Variants in SFMBT2 observed in about 807,000 individuals in gnomAD.
SFMBT2 encodes Scm like with four mbt domains 2, also known as scm-like with four MBT domains protein 2.
Under a neutral mutation model 110.1 loss-of-function variants are expected in SFMBT2, and 38 were observed. That is an observed-to-expected ratio of 0.35 (90% CI 0.27 to 0.45). The LOEUF (loss-of-function observed/expected upper bound fraction) is 0.45, where lower values mean the gene tolerates loss of function less well. Ranked by LOEUF, SFMBT2 falls within the 20% of genes least tolerant of loss-of-function variation. The pLI, the probability that SFMBT2 is intolerant of heterozygous loss-of-function variation, is 1.00. For synonymous variants in SFMBT2, 425 were observed against 425.4 expected (o/e 1.00, Z 0.01); for missense variants, 1,011 against 1,094.9 (o/e 0.92, Z 1.08).
intron 2 of SFMBT2, among the ~76,000 whole-genome samples, chr10:7,381,473 G>A (rs1047556847): frequency 8.5e-5 from 13 of 152,130 alleles, no homozygotes; most frequent in African/African-American, 2.9e-4. Flanking sequence ...CTCCAACCCT[G>A]CTCTTCTCAC....
chr10:7,213,778 C>CGT (rs573113543), intron 11 of SFMBT2, among the ~76,000 whole-genome samples: 15 of 146,928 alleles, frequency 1.0e-4, no homozygotes, highest in African/African-American at 3.5e-4. Flanking sequence ...CACTCAGATC[C>CGT]GTGTGCGAGG....
At chr10:7,174,890 G>C (rs953124236) in intron 17 of SFMBT2, among the ~76,000 whole-genome samples, 2 of 152,246 alleles carry the variant, frequency 1.3e-5, no homozygotes, top group African/African-American at 4.8e-5. Context: ...AGGTCTGTGT[G>C]ATCAGTGAGG....
chr10:7,236,969 G>A (rs911238794), intron 9 of SFMBT2, among the ~76,000 whole-genome samples: 1 of 152,216 alleles, frequency 6.6e-6, no homozygotes, highest in Non-Finnish European at 1.5e-5. Flanking sequence ...AGGGTAGGAT[G>A]CAGTGCTCAA....
chr10:7,310,838 G>C (rs1378384928), intron 4 of SFMBT2, among the ~76,000 whole-genome samples: 1 of 152,114 alleles, frequency 6.6e-6, no homozygotes, highest in Non-Finnish European at 1.5e-5. Context: ...CTGAGGTCAG[G>C]AGTTCGAGAC....
intron 4 of SFMBT2, among the ~76,000 whole-genome samples, chr10:7,330,443 T>C (rs1238071816): frequency 1.3e-5 from 2 of 152,180 alleles, no homozygotes; most frequent in African/African-American, 2.4e-5. Flanking sequence ...AGCATGTGAA[T>C]TGAGTAAACC....
intron 5 of SFMBT2, 75 bp from the exon 6 acceptor site, chr10:7,284,225 G>A: frequency 6.4e-7 from 1 of 1,555,010 alleles, no homozygotes; most frequent in Non-Finnish European, 8.7e-7. Flanking sequence ...GACAGCAGAA[G>A]ATAATATTTT....
At chr10:7,219,432 C>T (rs1454034762) in intron 11 of SFMBT2, among the ~76,000 whole-genome samples, 7 of 152,150 alleles carry the variant, frequency 4.6e-5, no homozygotes, top group African/African-American at 1.7e-4. Flanking sequence ...GACTGTTTTC[C>T]ACATTTCCCA....
At chr10:7,245,621 G>C (rs1406877361) in intron 8 of SFMBT2, among the ~76,000 whole-genome samples, 3 of 152,222 alleles carry the variant, frequency 2.0e-5, no homozygotes, top group African/African-American at 7.2e-5. Flanking sequence ...GCACAGCTAA[G>C]AGATGGCAGA....
rs1380615864 is a variant in SFMBT2, at chr10:7,257,048, C to T, written c.871-8399G>A. Among the ~76,000 whole-genome samples the T allele has an allele frequency of 8.3e-5, 12 of 143,820 alleles. No individual in the cohort carries two copies. In the East Asian group the frequency reaches 1.5e-3, roughly 18 times the overall value. The allele number at this position is 143,820 out of a possible 152,430, so 94.4% of individuals were successfully genotyped here. The stretch of plus-strand genomic sequence containing the variant: ...CAGAAGTTACAGTGAGCAGAGATCA[C>T]GCCACTGCACTCCAGCCTGGGTGAC... On this transcript the variant is annotated intron_variant, in intron 7 of 20. Coordinates refer to ENST00000397167, the MANE Select transcript of SFMBT2 (RefSeq NM_001387889.1).
intron 1 of SFMBT2, among the ~76,000 whole-genome samples, chr10:7,399,312 A>C (rs1031137086): frequency 4.0e-4 from 61 of 152,008 alleles, no homozygotes; most frequent in Admixed American, 3.9e-3. Flanking sequence ...GGTTCACTGC[A>C]ACCTCTGCCT....
intron 4 of SFMBT2, among the ~76,000 whole-genome samples, chr10:7,291,750 G>T (rs936380940): frequency 2.6e-5 from 4 of 152,190 alleles, no homozygotes; most frequent in Non-Finnish European, 1.5e-5. Flanking sequence ...TAGCAACAGG[G>T]GTTCTCCCCA....
In SFMBT2 at chr10:7,188,662, A is replaced by T. The variant is rs1222694091; in HGVS notation, c.1770T>A (p.Asp590Glu). 4 of 1,613,654 alleles carry T rather than the reference A, an allele frequency of 2.5e-6. No homozygotes were observed. The African/African-American group carries it at 5.3e-5, about 22-fold the overall frequency. ...RVLRELQLVE[D>E]PHWNFQEETL... The stretch of plus-strand genomic sequence containing the variant: ...TCTCTTCCTGGAAATTCCAGTGGGG[A>T]TCTTCTACCAGCTGTAATTCTCTTA... The change falls in exon 16 of 21, where the codon GAT becomes GAA. Residue 590 changes from aspartate (D) to glutamate (E), a missense_variant. Coordinates refer to ENST00000397167, the MANE Select transcript of SFMBT2 (RefSeq NM_001387889.1).
At chr10:7,207,478 G>A (rs12770768) in intron 11 of SFMBT2, 54 of 13,934 alleles carry the variant, frequency 3.9e-3, no homozygotes, top group Non-Finnish European at 6.5e-3. Flanking sequence ...AAAGAGAAAG[G>A]AAGGAAGGAA....
At chr10:7,406,907 C>G (rs942049912) in intron 1 of SFMBT2, among the ~76,000 whole-genome samples, 2 of 151,516 alleles carry the variant, frequency 1.3e-5, no homozygotes. Context: ...AGACCCCCGG[C>G]TCGGGGCAGT....
At chr10:7,368,231 G>A (rs1432400911) in intron 3 of SFMBT2, 5 of 586,272 alleles carry the variant, frequency 8.5e-6, no homozygotes, top group African/African-American at 8.1e-5. Flanking sequence ...TCTAAAACCT[G>A]GTGTGTATTC....
rs1837868265 is a variant in SFMBT2 at position 7,171,406 on chromosome 10, A to G, written c.2416-350T>C. On this transcript the variant is annotated intron_variant, in intron 19 of 20. Coordinates refer to ENST00000397167, the MANE Select transcript of SFMBT2 (RefSeq NM_001387889.1). The surrounding 1 kb of genome is among the most constrained non-coding windows in gnomAD (Gnocchi z 4.9). ...GGGCACGTCCAAGCAGACACGAGAC[A>G]GTGTCCCCCAGTGTTTCTGTAATGG... The G allele has an allele frequency of 1.0e-6, 1 of 985,466 alleles. No individual in the cohort carries two copies. Among genetic ancestry groups the G allele is most frequent in the South Asian group, 4.7e-5 (1 of 21,292 alleles). 61.0% of individuals were successfully genotyped at this position (985,466 alleles called of 1,614,324 possible).
At chr10:7,345,069 G>C (rs1490828997) in intron 4 of SFMBT2, among the ~76,000 whole-genome samples, 3 of 151,672 alleles carry the variant, frequency 2.0e-5, no homozygotes, top group Non-Finnish European at 4.4e-5. Flanking sequence ...CAAGGAAAGT[G>C]AAAGAACCCT....
chr10:7,278,309 T>C (rs1402583813), intron 6 of SFMBT2, among the ~76,000 whole-genome samples: 1 of 152,098 alleles, frequency 6.6e-6, no homozygotes, highest in Non-Finnish European at 1.5e-5. Context: ...AGACACTGCT[T>C]ATCACAGGAT....
At chr10:7,176,618 T>G in intron 16 of SFMBT2, 2 of 470,476 alleles carry the variant, frequency 4.3e-6, no homozygotes, top group Non-Finnish European at 5.6e-6. Context: ...TGAAAGGATA[T>G]CTTTGTCAAG....
Sources: gnomAD v4.1 joint callset for allele counts (sites outside exome capture counted in the v4.1 genomes callset) on GRCh38, gnomAD v4.1.1 for gene constraint, Gnocchi (gnomAD v3.1) non-coding constraint, MANE v1.5 for transcripts, NCBI Gene and HGNC (gene_info 2026-07-23, HGNC 2026-07-21) for gene names.